PDE11A: variants seen among roughly 807,000 people sequenced by gnomAD.
PDE11A encodes dual 3',5'-cyclic-AMP and -GMP phosphodiesterase 11A.
Under a neutral mutation model 100.5 loss-of-function variants are expected in PDE11A, and 100 were observed. The ratio of observed to expected loss-of-function variants is 1.00; its 90% CI spans 0.85 to 1.18. The LOEUF (loss-of-function observed/expected upper bound fraction) is 1.18. Ranked by LOEUF, PDE11A falls within the 50% of genes most tolerant of loss-of-function variation. The pLI is 0.00. For synonymous variants in PDE11A, 381 were observed against 420.8 expected (o/e 0.91, Z 1.16); for missense variants, 1,141 against 1,152.6 (o/e 0.99, Z 0.15).
rs372435189 is a variant in PDE11A, at chr2:178,105,651, G to T, written c.-13-1175C>A. 12 of 614,336 alleles carry T rather than the reference G, an allele frequency of 2.0e-5. No homozygotes were observed. The South Asian group carries it at 2.6e-4, about 13-fold the overall frequency. 38.1% of individuals were successfully genotyped at this position (614,336 alleles called of 1,614,324 possible). ...TTGTACTTTATCGATGTCTCAGGAGGTTCTCCATGGTGGTACAGGATGGCA... is the reference window on the plus strand; with the variant it reads ...TTGTACTTTATCGATGTCTCAGGAGTTTCTCCATGGTGGTACAGGATGGCA... On this transcript the variant is annotated intron_variant, in intron 1 of 20. Coordinates refer to the PDE11A transcript ENST00000358450.
At chr2:177,966,937 T>A (rs2085705679) in intron 2 of PDE11A, among the ~76,000 whole-genome samples, 1 of 152,142 alleles carries the variant, frequency 6.6e-6, no homozygotes, top group Non-Finnish European at 1.5e-5. Context: ...GTGACAGCTC[T>A]TCTTTATACA....
chr2:177,662,555 C>T (rs992928274), intron 19 of PDE11A, among the ~76,000 whole-genome samples: 5 of 152,118 alleles, frequency 3.3e-5, no homozygotes, highest in African/African-American at 7.2e-5. Context: ...ACTGCTTATT[C>T]GGAGACACTG....
At chr2:177,742,223 C>G (rs1172680194) in intron 10 of PDE11A, among the ~76,000 whole-genome samples, 1 of 151,836 alleles carries the variant, frequency 6.6e-6, no homozygotes, top group African/African-American at 2.4e-5. Flanking sequence ...CATTATACTC[C>G]CTGTATTTAG....
At chr2:177,657,016 T>C (rs1010996229) in intron 19 of PDE11A, among the ~76,000 whole-genome samples, 1 of 152,158 alleles carries the variant, frequency 6.6e-6, no homozygotes, top group Non-Finnish European at 1.5e-5. Context: ...TAGATGGTGA[T>C]AGTAACCTGA....
intron 6 of PDE11A, among the ~76,000 whole-genome samples, chr2:177,830,532 C>T (rs1488311496): frequency 2.0e-5 from 3 of 151,288 alleles, no homozygotes; most frequent in East Asian, 1.9e-4. Context: ...ACCCAGGAGG[C>T]GGAGGTTGCA....
chr2:177,781,312 A>C (rs945757562), intron 9 of PDE11A, among the ~76,000 whole-genome samples: 1 of 152,222 alleles, frequency 6.6e-6, no homozygotes, highest in African/African-American at 2.4e-5. Context: ...TTACAATAGT[A>C]ACATTAAAAA....
At chr2:178,047,532 T>C (rs966915151) in intron 1 of PDE11A, among the ~76,000 whole-genome samples, 1 of 150,484 alleles carries the variant, frequency 6.6e-6, no homozygotes, top group African/African-American at 2.4e-5. Flanking sequence ...CCTAAAGATA[T>C]ATAAAACAAC....
At chr2:177,648,239 C>T (rs1164128110) in intron 19 of PDE11A, among the ~76,000 whole-genome samples, 1 of 152,104 alleles carries the variant, frequency 6.6e-6, no homozygotes, top group Non-Finnish European at 1.5e-5. Flanking sequence ...AGAAAGGGGC[C>T]AGTCTGTCTA....
At chr2:177,651,766 A>C (rs2105461228) in intron 19 of PDE11A, among the ~76,000 whole-genome samples, 1 of 152,242 alleles carries the variant, frequency 6.6e-6, no homozygotes, top group African/African-American at 2.4e-5. Context: ...TGAATCAAAG[A>C]CTTGGAGAAT....
At chr2:177,822,580 G>A (rs149659953) in intron 6 of PDE11A, among the ~76,000 whole-genome samples, 3 of 151,824 alleles carry the variant, frequency 2.0e-5, no homozygotes, top group Admixed American at 2.0e-4. Flanking sequence ...TTGACCTCTG[G>A]CATTTACATA....
chr2:177,979,535 A>C (rs1244318454), intron 2 of PDE11A, among the ~76,000 whole-genome samples: 1 of 149,634 alleles, frequency 6.7e-6, no homozygotes, highest in Non-Finnish European at 1.5e-5. Flanking sequence ...GCAGCGTCTC[A>C]ATTCTGTGGA....
intron 2 of PDE11A, among the ~76,000 whole-genome samples, chr2:178,095,970 C>T (rs1194125897): frequency 6.6e-6 from 1 of 152,082 alleles, no homozygotes; most frequent in African/African-American, 2.4e-5. Context: ...TGGGCTTGGC[C>T]CACAAAACCA....
At chr2:177,979,689 C>T (rs2695090) in intron 2 of PDE11A, among the ~76,000 whole-genome samples, 3,858 of 144,548 alleles carry the variant, frequency 0.027, 190 homozygotes, top group African/African-American at 0.094. Context: ...CAGCTCACTG[C>T]AAGCTCTGCT....
chr2:177,753,607 A>G (rs1475200051), intron 10 of PDE11A, among the ~76,000 whole-genome samples: 1 of 151,816 alleles, frequency 6.6e-6, no homozygotes, highest in African/African-American at 2.4e-5. Flanking sequence ...AGGATCAGTT[A>G]GTGATAGAGT....
intron 17 of PDE11A, among the ~76,000 whole-genome samples, chr2:177,670,059 T>C (rs2080653158): frequency 1.3e-5 from 2 of 152,220 alleles, no homozygotes; most frequent in South Asian, 4.1e-4. Flanking sequence ...CCAATATTTG[T>C]ATGCACTCTG....
intron 11 of PDE11A, 123 bp from the exon 12 acceptor site, chr2:177,727,888 T>G: frequency 1.0e-6 from 1 of 980,034 alleles, no homozygotes; most frequent in Non-Finnish European, 1.6e-6. Flanking sequence ...ACATCTCTTC[T>G]GGTTCTCACA....
intron 1 of PDE11A, among the ~76,000 whole-genome samples, chr2:178,015,272 G>A (rs1297021856): frequency 2.6e-5 from 4 of 152,090 alleles, no homozygotes; most frequent in Non-Finnish European, 5.9e-5. Flanking sequence ...CAATGGAAAG[G>A]ACACAACATC....
chr2:177,771,837 T>C (rs1014541739), intron 9 of PDE11A, among the ~76,000 whole-genome samples: 3 of 151,966 alleles, frequency 2.0e-5, no homozygotes, highest in African/African-American at 7.3e-5. Context: ...ACCCCACCTC[T>C]ACAAAAATAG....
chr2:177,846,534 C>T (rs1472131837), intron 5 of PDE11A, among the ~76,000 whole-genome samples: 1 of 152,204 alleles, frequency 6.6e-6, no homozygotes, highest in African/African-American at 2.4e-5. Context: ...CTCATCACCT[C>T]CCCCTGATTT....
Sources: gnomAD v4.1 joint callset for allele counts (sites outside exome capture counted in the v4.1 genomes callset) on GRCh38, gnomAD v4.1.1 for gene constraint, MANE v1.5 for transcripts, NCBI Gene and HGNC (gene_info 2026-07-23, HGNC 2026-07-21) for gene names.